ADAMTS12: variants seen among roughly 807,000 people sequenced by gnomAD.
The protein encoded by ADAMTS12 is ADAM metallopeptidase with thrombospondin type 1 motif 12.
Under a neutral mutation model 167.8 loss-of-function variants are expected in ADAMTS12, and 118 were observed. That is an observed-to-expected ratio of 0.70 (90% CI 0.61 to 0.82). The LOEUF (loss-of-function observed/expected upper bound fraction) is 0.82, where lower values mean the gene tolerates loss of function less well. Among genes scored for constraint, ADAMTS12 ranks in the 40% least tolerant of loss-of-function variants. The pLI, the probability that ADAMTS12 is intolerant of heterozygous loss-of-function variation, is 0.00. For missense variants in ADAMTS12, 1,916 were observed against 1,998.8 expected, an observed-to-expected ratio of 0.96 and a Z score of 0.79; for synonymous variants, 704 against 716.9, an observed-to-expected ratio of 0.98 and a Z score of 0.29.
In ADAMTS12 at chr5:33,538,147, GT is replaced by G. The variant is rs112228544; in HGVS notation, c.4447-3156del. ...ACTGGGTAATTTATTAAGAAAAGAG[GT>G]TTAATTGACTCAGAGTTCCACAGGG... On this transcript the variant is annotated intron_variant, in intron 22 of 23. Transcript: ENST00000504830. Among the ~76,000 whole-genome samples, 1,184 of 152,268 alleles carry G rather than the reference GT, an allele frequency of 7.8e-3. 13 individuals are homozygous for G. Among genetic ancestry groups the G allele is most frequent in the African/African-American group, 0.026 (1,097 of 41,544 alleles).
At chr5:33,778,902 A>C (rs1204691505) in intron 2 of ADAMTS12, among the ~76,000 whole-genome samples, 4 of 152,118 alleles carry the variant, frequency 2.6e-5, no homozygotes, top group African/African-American at 4.8e-5. Context: ...AGCAACCAAG[A>C]GATATAACAG....
At chr5:33,668,192 C>G (rs1020267060) in intron 5 of ADAMTS12, among the ~76,000 whole-genome samples, 1 of 152,166 alleles carries the variant, frequency 6.6e-6, no homozygotes, top group African/African-American at 2.4e-5. Flanking sequence ...GTGCTCAGAA[C>G]ACTTACATGA....
intron 16 of ADAMTS12, among the ~76,000 whole-genome samples, chr5:33,613,437 C>G (rs1738830948): frequency 6.6e-6 from 1 of 152,162 alleles, no homozygotes; most frequent in Admixed American, 6.5e-5. Flanking sequence ...CCTCCCTTTG[C>G]AGTTAGATGG....
intron 2 of ADAMTS12, among the ~76,000 whole-genome samples, chr5:33,778,876 T>A (rs1746013154): frequency 1.3e-5 from 2 of 151,988 alleles, no homozygotes; most frequent in African/African-American, 2.4e-5. Flanking sequence ...TATATATTAC[T>A]CAAAGAAAAC....
intron 2 of ADAMTS12, among the ~76,000 whole-genome samples, chr5:33,833,868 A>G (rs1748404630): frequency 6.6e-6 from 1 of 152,140 alleles, no homozygotes; most frequent in East Asian, 1.9e-4. Flanking sequence ...GTAAATTATT[A>G]ACTACATGCA....
At chr5:33,678,234 G>A (rs1741988646) in intron 5 of ADAMTS12, among the ~76,000 whole-genome samples, 1 of 152,188 alleles carries the variant, frequency 6.6e-6, no homozygotes, top group South Asian at 2.1e-4. Flanking sequence ...GTGGCCACAA[G>A]GCCCACAGCA....
chr5:33,629,581 A>G (rs1739823560), intron 13 of ADAMTS12, among the ~76,000 whole-genome samples: 2 of 152,174 alleles, frequency 1.3e-5, no homozygotes, highest in Admixed American at 6.5e-5. Flanking sequence ...CTGATGATGA[A>G]AAAGCCTCTG....
intron 2 of ADAMTS12, among the ~76,000 whole-genome samples, chr5:33,818,028 A>G (rs1747729224): frequency 6.6e-6 from 1 of 152,170 alleles, no homozygotes; most frequent in Non-Finnish European, 1.5e-5. Context: ...GAGGTTTACA[A>G]CATAGGATAT....
At chr5:33,534,699 G>T (rs1744285334) in intron 23 of ADAMTS12, 134 bp downstream of exon 23, 5 of 1,179,180 alleles carry the variant, frequency 4.2e-6, no homozygotes, top group East Asian at 2.5e-5. Context: ...TTGTTCCCAG[G>T]GTTACTGGTT....
chr5:33,621,839 CAG>C (rs1474459509), intron 14 of ADAMTS12, among the ~76,000 whole-genome samples: 3 of 152,156 alleles, frequency 2.0e-5, no homozygotes, highest in Non-Finnish European at 2.9e-5. Context: ...TCACAAACCA[CAG>C]AGTGAGGAAG....
intron 23 of ADAMTS12, among the ~76,000 whole-genome samples, chr5:33,530,540 C>A (rs931837201): frequency 6.6e-6 from 1 of 152,192 alleles, no homozygotes; most frequent in African/African-American, 2.4e-5. Context: ...ACAGGTGGGG[C>A]GGCTCTTTGC....
At chr5:33,542,333 A>G (rs1193582441) in intron 22 of ADAMTS12, among the ~76,000 whole-genome samples, 1 of 152,226 alleles carries the variant, frequency 6.6e-6, no homozygotes, top group African/African-American at 2.4e-5. Context: ...CCAGATTCAT[A>G]AAGCAAGTCC....
At position 33,720,266 on chromosome 5, in the gene ADAMTS12, C is replaced by CCTCT. The variant is rs33953882; in HGVS notation, c.634+31134_634+31137dup. On this transcript the variant is annotated intron_variant, in intron 3 of 23. Transcript: ENST00000504830. ...AAAATGTTAATAGTTTCCATTCACC[C>CCTCT]CTCTCTCTCTCTCTCACTCACACAC... Among the ~76,000 whole-genome samples the CCTCT allele has an allele frequency of 7.7e-5, 8 of 103,942 alleles. No homozygotes were observed. The South Asian group carries it at 1.7e-3, about 22-fold the overall frequency. 68.2% of individuals were successfully genotyped at this position (103,942 alleles called of 152,430 possible). A position where few individuals can be genotyped will look rare whatever the true frequency, so the allele number is the denominator to read the frequency against.
chr5:33,594,213 A>C (rs1315544705), intron 17 of ADAMTS12, among the ~76,000 whole-genome samples: 2 of 152,200 alleles, frequency 1.3e-5, no homozygotes, highest in Non-Finnish European at 2.9e-5. Context: ...TATTAGGGCA[A>C]AACCCTTTCA....
chr5:33,803,477 T>G (rs1481393472), intron 2 of ADAMTS12, among the ~76,000 whole-genome samples: 1 of 152,188 alleles, frequency 6.6e-6, no homozygotes, highest in Non-Finnish European at 1.5e-5. Flanking sequence ...TTTGATTCCT[T>G]AGGATGCCAC....
chr5:33,810,175 C>T (rs1747400828), intron 2 of ADAMTS12, among the ~76,000 whole-genome samples: 1 of 152,162 alleles, frequency 6.6e-6, no homozygotes, highest in South Asian at 2.1e-4. Flanking sequence ...GAGAACGCTA[C>T]TGGGTAAACA....
intron 2 of ADAMTS12, among the ~76,000 whole-genome samples, chr5:33,831,269 T>C (rs781393244): frequency 6.6e-6 from 1 of 152,224 alleles, no homozygotes; most frequent in African/African-American, 2.4e-5. Flanking sequence ...ATGAGGTCAG[T>C]GAGGCATATA....
At chr5:33,726,389 C>T (rs759084604) in intron 3 of ADAMTS12, among the ~76,000 whole-genome samples, 22 of 152,150 alleles carry the variant, frequency 1.4e-4, no homozygotes, top group Non-Finnish European at 3.1e-4. Flanking sequence ...CCAAAACCCA[C>T]CAAATTGTCT....
chr5:33,649,044 C>A, intron 8 of ADAMTS12, 78 bp from the exon 9 acceptor site: 1 of 1,547,620 alleles, frequency 6.5e-7, no homozygotes, highest in South Asian at 1.2e-5. Flanking sequence ...ACAGAAACTT[C>A]CCTCTGGTTT....
Sources: allele counts gnomAD v4.1 joint callset (sites outside exome capture counted in the v4.1 genomes callset), GRCh38; gene constraint gnomAD v4.1.1; transcripts MANE v1.5; gene names NCBI Gene and HGNC (gene_info 2026-07-23, HGNC 2026-07-21).